Variants in ADD1 observed in about 807,000 individuals in gnomAD.
ADD1 encodes adducin 1.
ADD1 carries 24 observed loss-of-function variants against 80.5 expected under a neutral mutation model. The ratio of observed to expected loss-of-function variants is 0.30; its 90% CI spans 0.22 to 0.42. The LOEUF (loss-of-function observed/expected upper bound fraction) is 0.42, where lower values mean the gene tolerates loss of function less well. Ranked by LOEUF, ADD1 falls within the 10% of genes least tolerant of loss-of-function variation. The pLI is 1.00. For missense variants in ADD1, 948 were observed against 1,019.0 expected (o/e 0.93, Z 0.95); for synonymous variants, 373 against 393.8 (o/e 0.95, Z 0.63).
chr4:2,903,145 TG>T (rs1736469873), intron 9 of ADD1, among the ~76,000 whole-genome samples: 1 of 152,084 alleles, frequency 6.6e-6, no homozygotes, highest in Admixed American at 6.5e-5. Context: ...TTGAGAGGAC[TG>T]TTTCTAGAGT....
At chr4:2,847,542 G>C (rs763768268) in intron 1 of ADD1, among the ~76,000 whole-genome samples, 6 of 152,112 alleles carry the variant, frequency 3.9e-5, no homozygotes, top group Non-Finnish European at 8.8e-5. Context: ...ACACATTTCA[G>C]TCTCAGAACA....
chr4:2,874,840 G>T (rs1731023061), intron 1 of ADD1, among the ~76,000 whole-genome samples: 1 of 152,136 alleles, frequency 6.6e-6, no homozygotes, highest in Non-Finnish European at 1.5e-5. Flanking sequence ...TATCACTTGG[G>T]AATTGATGAG....
intron 3 of ADD1, among the ~76,000 whole-genome samples, chr4:2,883,142 A>G (rs1732656693): frequency 6.6e-6 from 1 of 152,136 alleles, no homozygotes; most frequent in Non-Finnish European, 1.5e-5. Context: ...GATTACGAAC[A>G]TGAGCCACCA....
chr4:2,899,932 G>A lies in ADD1; in HGVS notation c.1161+497G>A, dbSNP rs112452330. 3.4e-3 allele frequency: 823 copies of A among 239,312 alleles called. 4 individuals carry two copies. Among genetic ancestry groups the A allele is most frequent in the African/African-American group, 0.018 (764 of 43,276 alleles). The allele number at this position is 239,312 out of a possible 1,614,324, so 14.8% of individuals were successfully genotyped here. ...CAGAGCCCGGCATGGTCCAGAAGGC[G>A]GGCTTATGGGGCCTGCAGCACACAG... On this transcript the variant is annotated intron_variant, in intron 9 of 15. Transcript: ENST00000683351.
chr4:2,884,925 C>T (rs539462843), intron 4 of ADD1, among the ~76,000 whole-genome samples: 3 of 152,204 alleles, frequency 2.0e-5, no homozygotes, highest in Non-Finnish European at 4.4e-5. Flanking sequence ...AGATTATATG[C>T]AGTTTCTAAA....
chr4:2,904,594 T>C (rs1736727510), intron 9 of ADD1, 170 bp from the exon 10 acceptor site: 6 of 646,910 alleles, frequency 9.3e-6, no homozygotes, highest in Non-Finnish European at 1.6e-5. Flanking sequence ...AGTACCTGGT[T>C]TTTGGTGAAC....
At chr4:2,884,971 G>A (rs147887114) in intron 4 of ADD1, among the ~76,000 whole-genome samples, 191 of 152,262 alleles carry the variant, frequency 1.3e-3, no homozygotes, top group African/African-American at 4.5e-3. Flanking sequence ...GAATGATGAT[G>A]TTTTCTTTCT....
chr4:2,875,480 TG>T (rs1731129453), intron 1 of ADD1, among the ~76,000 whole-genome samples: 1 of 152,086 alleles, frequency 6.6e-6, no homozygotes, highest in African/African-American at 2.4e-5. Context: ...TGGTACCTTA[TG>T]GGAAAAAAAA....
chr4:2,898,537 G>A lies in ADD1; in HGVS notation c.984+6G>A. Reference sequence around the variant, plus strand: ...TGGTTGCCTGTGAGATCCAGGTAGGGGACAGCCATTCCAGTCACTCTGCAG... The same window carrying A: ...TGGTTGCCTGTGAGATCCAGGTAGGAGACAGCCATTCCAGTCACTCTGCAG... On this transcript the variant is annotated splice_donor_region_variant and intron_variant, in intron 8 of 15. Transcript: ENST00000683351. 1 of 1,611,334 alleles carries A rather than the reference G, an allele frequency of 6.2e-7. No individual in the cohort carries two copies. Among genetic ancestry groups the A allele is most frequent in the Non-Finnish European group, 8.5e-7 (1 of 1,177,542 alleles).
chr4:2,902,172 G>C (rs1252924581), intron 9 of ADD1: 2 of 152,148 alleles, frequency 1.3e-5, no homozygotes, highest in Non-Finnish European at 2.9e-5. Flanking sequence ...ATGGTTTCAG[G>C]ATAAAATGAT....
intron 13 of ADD1, among the ~76,000 whole-genome samples, chr4:2,911,447 TA>T (rs552318379): frequency 0.014 from 1,618 of 116,216 alleles, 13 homozygotes; most frequent in South Asian, 0.021. Flanking sequence ...TATATATATA[TA>T]TTTTTTTTTT....
chr4:2,881,239 G>C (rs1732278408), intron 2 of ADD1, among the ~76,000 whole-genome samples: 1 of 151,594 alleles, frequency 6.6e-6, no homozygotes, highest in East Asian at 1.9e-4. Context: ...CACCACGCCT[G>C]GCTAATTTTT....
chr4:2,852,195 T>TTTCTTTCC (rs1341444750), intron 1 of ADD1, among the ~76,000 whole-genome samples: 1 of 110,026 alleles, frequency 9.1e-6, no homozygotes, highest in Admixed American at 9.1e-5. Flanking sequence ...TCTTTCTTTC[T>TTTCTTTCC]TTCCTTTCTT....
Position 2,846,055 on chromosome 4 carries a change from T to TA in ADD1, c.-21+2034dup, listed in dbSNP as rs142415735. 7.5e-3 allele frequency among the ~76,000 whole-genome samples: 1,135 copies of TA among 152,344 alleles called. 12 individuals carry two copies. Among genetic ancestry groups the TA allele is most frequent in the African/African-American group, 0.025 (1,060 of 41,574 alleles). ...GTTCAATATGTATATCTTAAAGACTTAAACAAAAGGTAAACATGAGTACCA... is the reference window on the plus strand; with the variant it reads ...GTTCAATATGTATATCTTAAAGACTTAAAACAAAAGGTAAACATGAGTACCA... On this transcript the variant is annotated intron_variant, in intron 1 of 15. Coordinates refer to ENST00000683351, the MANE Select transcript of ADD1 (RefSeq NM_001354761.2).
At chr4:2,861,143 C>T (rs924685827) in intron 1 of ADD1, among the ~76,000 whole-genome samples, 8 of 152,052 alleles carry the variant, frequency 5.3e-5, no homozygotes, top group African/African-American at 1.9e-4. Flanking sequence ...GACTCTGAGG[C>T]AGGAAGGGGC....
chr4:2,852,251 T>TTC lies in ADD1; in HGVS notation c.-21+8229_-21+8230dup, dbSNP rs58070297. Among the ~76,000 whole-genome samples the TTC allele has an allele frequency of 3.9e-3, 533 of 136,204 alleles. 2 individuals carry two copies. The highest frequency in any genetic ancestry group is 4.9e-3 in the South Asian group (22 of 4,446). The allele number at this position is 136,204 out of a possible 152,430, so 89.4% of individuals were successfully genotyped here. On this transcript the variant is annotated intron_variant, in intron 1 of 15. Coordinates refer to ENST00000683351, the MANE Select transcript of ADD1 (RefSeq NM_001354761.2). ...CTTTCCTTTCTTTCTTTCTTTCTCT[T>TTC]TCTTTCTTTCCTTCCTTCCTTCCTT...
intron 4 of ADD1, among the ~76,000 whole-genome samples, chr4:2,891,660 A>G (rs1245430303): frequency 5.3e-5 from 8 of 152,128 alleles, no homozygotes; most frequent in African/African-American, 1.7e-4. Flanking sequence ...TGCGAGCTTT[A>G]TTGTAGACAC....
At chr4:2,916,207 T>C (rs1560245390) in intron 14 of ADD1, among the ~76,000 whole-genome samples, 2 of 127,440 alleles carry the variant, frequency 1.6e-5, no homozygotes, top group Admixed American at 7.9e-5. Flanking sequence ...ATTATTATTA[T>C]TATTTTTGAG....
At position 2,926,213 on chromosome 4, in the gene ADD1, T is replaced by C. The variant is rs1711575779; in HGVS notation, c.2047+101T>C. On this transcript the variant is annotated intron_variant, in intron 15 of 15. Coordinates refer to ENST00000683351, the MANE Select transcript of ADD1 (RefSeq NM_001354761.2). The surrounding 1 kb of genome is among the most constrained non-coding windows in gnomAD (Gnocchi z 5.0). Reference sequence around the variant, plus strand: ...AGTCGTGTTAACAGCAACACGGAAGTGTGTGCTTGCATCAGCGCCAGGACG... The same window carrying C: ...AGTCGTGTTAACAGCAACACGGAAGCGTGTGCTTGCATCAGCGCCAGGACG... The C allele has an allele frequency of 9.6e-7, 1 of 1,044,724 alleles. No individual in the cohort carries two copies. The highest frequency in any genetic ancestry group is 1.5e-6 in the Non-Finnish European group (1 of 673,716). 64.7% of individuals were successfully genotyped at this position (1,044,724 alleles called of 1,614,324 possible). A position where few individuals can be genotyped will look rare whatever the true frequency, so the allele number is the denominator to read the frequency against.
Sources: allele counts gnomAD v4.1 joint callset (sites outside exome capture counted in the v4.1 genomes callset), GRCh38; gene constraint gnomAD v4.1.1; non-coding constraint Gnocchi (gnomAD v3.1); transcripts MANE v1.5; gene names NCBI Gene and HGNC (gene_info 2026-07-23, HGNC 2026-07-21).